Variants in GTF2H3 observed in about 807,000 individuals in gnomAD.
GTF2H3 encodes TFIIH basal transcription factor complex p34 subunit.
A neutral mutation model predicts 51.1 loss-of-function variants in GTF2H3; 42 were observed. That is an observed-to-expected ratio of 0.82 (90% CI 0.64 to 1.06). The LOEUF is 1.06. Among genes scored for constraint, GTF2H3 ranks in the 50% least tolerant of loss-of-function variants. GTF2H3 has a pLI of 0.00. For missense variants in GTF2H3, 326 were observed against 366.1 expected (o/e 0.89, Z 0.89); for synonymous variants, 123 against 123.8 (o/e 0.99, Z 0.04).
At chr12:123,645,097 G>A (rs1174315575) in intron 2 of GTF2H3, among the ~76,000 whole-genome samples, 1 of 152,148 alleles carries the variant, frequency 6.6e-6, no homozygotes, top group Non-Finnish European at 1.5e-5. Flanking sequence ...TTGTTACAGG[G>A]TCTAGCTCTG....
chr12:123,660,239 TA>T lies in GTF2H3; in HGVS notation c.*8del. Reference sequence around the variant, plus strand: ...GAAACTGAAAGTGTCTGCCTGAGGATAAAATATTTTCCCCATCTTTTAGAGC... The same window carrying T: ...GAAACTGAAAGTGTCTGCCTGAGGATAAATATTTTCCCCATCTTTTAGAGC... On this transcript the variant is annotated 3_prime_UTR_variant, in exon 13 of 13. Transcript: ENST00000543341. 6.3e-7 allele frequency: 1 copy of T among 1,598,092 alleles called. No homozygotes were observed. Among genetic ancestry groups the T allele is most frequent in the Non-Finnish European group, 8.5e-7 (1 of 1,170,982 alleles).
intron 9 of GTF2H3, chr12:123,659,299 A>G: frequency 2.0e-6 from 1 of 502,196 alleles, no homozygotes; most frequent in South Asian, 2.2e-5. Context: ...CCCAGGAGGC[A>G]GAGGTTGGAG....
At chr12:123,638,059 A>ACTGTAGTGCATTGGTACT (rs1566222508) in intron 1 of GTF2H3, among the ~76,000 whole-genome samples, 1 of 151,686 alleles carries the variant, frequency 6.6e-6, no homozygotes, top group African/African-American at 2.4e-5. Context: ...GTGCATTGGC[A>ACTGTAGTGCATTGGTACT]GGAACATGGC....
intron 4 of GTF2H3, among the ~76,000 whole-genome samples, chr12:123,650,727 C>G (rs1955509766): frequency 1.3e-5 from 2 of 152,218 alleles, no homozygotes; most frequent in Non-Finnish European, 2.9e-5. Context: ...CCATTAGACA[C>G]TAACTCCCTG....
chr12:123,658,440 G>A (rs1282787789), intron 9 of GTF2H3, among the ~76,000 whole-genome samples: 1 of 152,006 alleles, frequency 6.6e-6, no homozygotes, highest in Non-Finnish European at 1.5e-5. Context: ...GGCTGGTATC[G>A]AACTCCTGAC....
At chr12:123,652,475 A>C in intron 5 of GTF2H3, 57 bp from the exon 6 acceptor site, 1 of 1,013,498 alleles carries the variant, frequency 9.9e-7, no homozygotes. Flanking sequence ...TCTTTTTACT[A>C]TAAATATTTA....
intron 1 of GTF2H3, among the ~76,000 whole-genome samples, chr12:123,634,824 A>G (rs1955251541): frequency 1.3e-5 from 2 of 152,244 alleles, no homozygotes; most frequent in African/African-American, 4.8e-5. Context: ...GTTTCAGGTC[A>G]TGCAGGGCCT....
At chr12:123,635,055 C>T (rs1378181023) in intron 1 of GTF2H3, among the ~76,000 whole-genome samples, 1 of 152,102 alleles carries the variant, frequency 6.6e-6, no homozygotes, top group Non-Finnish European at 1.5e-5. Context: ...GAAACCATAC[C>T]ACAACCCTGT....
intron 8 of GTF2H3, 81 bp from the exon 9 acceptor site, chr12:123,655,690 G>C: frequency 1.2e-6 from 1 of 826,530 alleles, no homozygotes; most frequent in Non-Finnish European, 2.1e-6. Context: ...TAAGCATAGA[G>C]TATGGCATGT....
rs531549382 is a variant in GTF2H3, at chr12:123,647,981, A to T, written c.219A>T (p.Gly73=). Residue 73 remains glycine, a synonymous_variant, in exon 4 of 13, where the codon GGA becomes GGT. Coordinates refer to ENST00000543341, the MANE Select transcript of GTF2H3 (RefSeq NM_001516.5). ...HIQESRFLYP[G]KNGRLGDFFG... ...GTTTCAGCCGATTCTTATATCCTGG[A>T]AAGAATGGCAGACTTGGAGACTTCT... 6.2e-7 allele frequency: 1 copy of T among 1,613,682 alleles called. No homozygotes were observed. Among genetic ancestry groups the T allele is most frequent in the Non-Finnish European group, 8.5e-7 (1 of 1,179,816 alleles).
intron 1 of GTF2H3, among the ~76,000 whole-genome samples, chr12:123,634,332 C>T (rs1465333523): frequency 6.6e-6 from 1 of 152,084 alleles, no homozygotes; most frequent in African/African-American, 2.4e-5. Context: ...GTCCCAGCTA[C>T]GCGGGAGGCT....
intron 2 of GTF2H3, among the ~76,000 whole-genome samples, chr12:123,642,362 G>A (rs945310626): frequency 1.3e-5 from 2 of 151,410 alleles, no homozygotes; most frequent in African/African-American, 4.9e-5. Context: ...GTAGAGACGG[G>A]GTTTCGCCGT....
chr12:123,654,828 G>GAATA (rs1955566431), intron 7 of GTF2H3, 96 bp from the exon 8 acceptor site: 1 of 808,132 alleles, frequency 1.2e-6, no homozygotes, highest in Non-Finnish European at 2.2e-6. Flanking sequence ...AGACAAACTG[G>GAATA]AATAATGTTG....
At chr12:123,640,192 C>T (rs117780783) in intron 2 of GTF2H3, among the ~76,000 whole-genome samples, 1 of 152,128 alleles carries the variant, frequency 6.6e-6, no homozygotes, top group Non-Finnish European at 1.5e-5. Context: ...GTAATCTGGT[C>T]CCACTCTCGA....
Position 123,647,952 on chromosome 12 carries a change from T to C in GTF2H3, c.201-11T>C, listed in dbSNP as rs1171196350. The C allele has an allele frequency of 6.2e-7, 1 of 1,609,166 alleles. No individual in the cohort carries two copies. Among genetic ancestry groups the C allele is most frequent in the Non-Finnish European group, 8.5e-7 (1 of 1,178,248 alleles). On this transcript the variant is annotated splice_polypyrimidine_tract_variant and intron_variant, in intron 3 of 12. Transcript: ENST00000543341. ...CCTGGTGTAACCAGGTTTTTTCCCC[T>C]GCTGTTTCAGCCGATTCTTATATCC...
At chr12:123,650,869 T>C (rs967689792) in intron 4 of GTF2H3, 125 bp from the exon 5 acceptor site, 1 of 640,030 alleles carries the variant, frequency 1.6e-6, no homozygotes. Flanking sequence ...TGAAAATGTC[T>C]TGTTTGATTT....
chr12:123,639,853 AG>A (rs1450997912), intron 2 of GTF2H3: 1 of 414,324 alleles, frequency 2.4e-6, no homozygotes, highest in African/African-American at 2.0e-5. Context: ...AGACCTAAGC[AG>A]ATTGCAGGTT....
chr12:123,637,633 G>T (rs1276890189), intron 1 of GTF2H3, among the ~76,000 whole-genome samples: 1 of 151,678 alleles, frequency 6.6e-6, no homozygotes, highest in African/African-American at 2.4e-5. Context: ...CTCCCGAGTA[G>T]CTGGAATTAC....
rs11572984 is a variant in GTF2H3, at chr12:123,655,855, G to A, written c.615+31G>A. 3.1e-3 allele frequency: 4,441 copies of A among 1,452,352 alleles called. 118 individuals are homozygous for A. In the African/African-American group the frequency reaches 0.054, roughly 18 times the overall value. The allele number at this position is 1,452,352 out of a possible 1,614,324, so 90.0% of individuals were successfully genotyped here. ...TTTTAAAACCATGCTTTGTGTCGGT[G>A]GTTATGACAATTAGTGATTTTTATA... is the stretch of plus-strand genomic sequence containing the variant. On this transcript the variant is annotated intron_variant, in intron 9 of 12. Transcript: ENST00000543341.
Sources: allele counts gnomAD v4.1 joint callset (sites outside exome capture counted in the v4.1 genomes callset), GRCh38; gene constraint gnomAD v4.1.1; transcripts MANE v1.5; gene names NCBI Gene and HGNC (gene_info 2026-07-23, HGNC 2026-07-21).